The following EVI5 variants were observed in gnomAD, a reference collection of about 807,000 sequenced individuals.
EVI5 encodes ecotropic viral integration site 5 protein homolog.
In EVI5, 73 loss-of-function variants were observed where a neutral mutation model predicts 112.0. That is an observed-to-expected ratio of 0.65 (90% confidence interval 0.54 to 0.79). The LOEUF is 0.79. EVI5 is among the 30% of genes least tolerant of loss of function. EVI5 has a pLI of 0.00. For missense variants in EVI5, 900 were observed against 968.8 expected (o/e 0.93, Z 0.94); for synonymous variants, 305 against 319.9 (o/e 0.95, Z 0.50).
intron 19 of EVI5, among the ~76,000 whole-genome samples, chr1:92,550,808 AT>A (rs1557766606): frequency 8.9e-5 from 10 of 112,186 alleles, no homozygotes; most frequent in African/African-American, 2.9e-4. Flanking sequence ...ATATATATAT[AT>A]ATATAACAAA....
intron 6 of EVI5, 24 bp downstream of exon 6, chr1:92,697,836 T>C: frequency 6.3e-7 from 1 of 1,594,206 alleles, no homozygotes; most frequent in East Asian, 2.2e-5. Context: ...GCAATATGCC[T>C]TTTTATCAAC....
At chr1:92,659,983 A>G (rs1663691531) in intron 13 of EVI5, among the ~76,000 whole-genome samples, 1 of 152,034 alleles carries the variant, frequency 6.6e-6, no homozygotes, top group African/African-American at 2.4e-5. Flanking sequence ...ATAACTCAGA[A>G]AGTCAAATAT....
At chr1:92,760,750 A>T (rs1369170579) in intron 1 of EVI5, among the ~76,000 whole-genome samples, 1 of 148,112 alleles carries the variant, frequency 6.8e-6, no homozygotes, top group Non-Finnish European at 1.5e-5. Flanking sequence ...AAAAAAAAAA[A>T]GGTGGCATAA....
At chr1:92,778,815 A>AT in intron 1 of EVI5, among the ~76,000 whole-genome samples, 1 of 152,178 alleles carries the variant, frequency 6.6e-6, no homozygotes, top group Middle Eastern at 3.2e-3. Context: ...ATTTTCTAGA[A>AT]TTTTTTGCCA....
chr1:92,776,420 A>G (rs531772306), intron 1 of EVI5, among the ~76,000 whole-genome samples: 2 of 152,318 alleles, frequency 1.3e-5, no homozygotes, highest in South Asian at 4.1e-4. Context: ...TAACAAAGCT[A>G]TTAGAGATAT....
chr1:92,652,263 G>A (rs1473465925), intron 13 of EVI5, among the ~76,000 whole-genome samples: 1 of 152,126 alleles, frequency 6.6e-6, no homozygotes, highest in African/African-American at 2.4e-5. Flanking sequence ...CAAATATTAT[G>A]TGCTTCCACT....
chr1:92,631,668 T>C (rs1403551697), intron 14 of EVI5, among the ~76,000 whole-genome samples: 8 of 152,164 alleles, frequency 5.3e-5, no homozygotes, highest in Non-Finnish European at 1.2e-4. Flanking sequence ...GGAATACCCT[T>C]TATTTCCTTC....
At chr1:92,662,389 T>C (rs1664178452) in intron 13 of EVI5, among the ~76,000 whole-genome samples, 1 of 152,150 alleles carries the variant, frequency 6.6e-6, no homozygotes, top group African/African-American at 2.4e-5. Flanking sequence ...GTTAGCAAAA[T>C]GATACCTATT....
intron 18 of EVI5, among the ~76,000 whole-genome samples, chr1:92,596,678 T>C (rs923665307): frequency 6.6e-6 from 1 of 152,184 alleles, no homozygotes; most frequent in Non-Finnish European, 1.5e-5. Context: ...AAGATAATTC[T>C]TGAACTCTTG....
At chr1:92,519,400 A>T (rs1660488763) in intron 19 of EVI5, among the ~76,000 whole-genome samples, 1 of 152,182 alleles carries the variant, frequency 6.6e-6, no homozygotes, top group Admixed American at 6.5e-5. Context: ...GATAGAGGAG[A>T]TTAACACATA....
chr1:92,533,123 C>G (rs920165390), intron 19 of EVI5, among the ~76,000 whole-genome samples: 1 of 151,870 alleles, frequency 6.6e-6, no homozygotes, highest in Non-Finnish European at 1.5e-5. Flanking sequence ...CCACTGATCC[C>G]ACAGAAATAC....
chr1:92,782,829 GTTTT>G (rs967967816), intron 1 of EVI5, among the ~76,000 whole-genome samples: 2 of 151,456 alleles, frequency 1.3e-5, no homozygotes, highest in African/African-American at 4.9e-5. Context: ...TTTTGTTTTT[GTTTT>G]TTTTGAAAGA....
At chr1:92,765,087 C>T (rs768945410) in intron 1 of EVI5, among the ~76,000 whole-genome samples, 5 of 152,006 alleles carry the variant, frequency 3.3e-5, no homozygotes, top group Non-Finnish European at 7.4e-5. Flanking sequence ...AGAAAACTGT[C>T]ATATAGGTAA....
At chr1:92,758,717 T>C (rs865827633) in intron 1 of EVI5, among the ~76,000 whole-genome samples, 7 of 151,804 alleles carry the variant, frequency 4.6e-5, no homozygotes, top group Admixed American at 6.6e-5. Flanking sequence ...AGAAAATACA[T>C]CAAAATTAAA....
intron 2 of EVI5, among the ~76,000 whole-genome samples, chr1:92,708,003 A>G (rs1030600634): frequency 9.2e-5 from 14 of 152,094 alleles, no homozygotes; most frequent in Non-Finnish European, 2.1e-4. Flanking sequence ...GCAAAAGAGT[A>G]CATACGATAT....
intron 19 of EVI5, among the ~76,000 whole-genome samples, chr1:92,539,542 C>CAAAA (rs1209654037): frequency 5.9e-5 from 1 of 16,822 alleles, no homozygotes; most frequent in Non-Finnish European, 1.0e-4. Flanking sequence ...GACTCCATCT[C>CAAAA]AAAAAAAAAA....
chr1:92,588,359 C>A (rs1323671744), intron 18 of EVI5, among the ~76,000 whole-genome samples: 1 of 152,176 alleles, frequency 6.6e-6, no homozygotes, highest in Middle Eastern at 3.2e-3. Flanking sequence ...CTCACTCCAC[C>A]CAGACTCTAC....
intron 1 of EVI5, among the ~76,000 whole-genome samples, chr1:92,741,695 T>A (rs1678434946): frequency 6.6e-6 from 1 of 152,206 alleles, no homozygotes; most frequent in South Asian, 2.1e-4. Flanking sequence ...TATTTTATTT[T>A]TTAGGACTTT....
intron 19 of EVI5, among the ~76,000 whole-genome samples, chr1:92,550,789 T>A (rs1300936091): frequency 3.8e-4 from 28 of 73,936 alleles, no homozygotes; most frequent in African/African-American, 5.0e-4. Flanking sequence ...AAAATATATA[T>A]ATATATATAT....
Sources: allele counts gnomAD v4.1 joint callset (sites outside exome capture counted in the v4.1 genomes callset), GRCh38; gene constraint gnomAD v4.1.1; transcripts MANE v1.5; gene names NCBI Gene and HGNC (gene_info 2026-07-23, HGNC 2026-07-21).